MACF1: variants seen among roughly 807,000 people sequenced by gnomAD.
MACF1 encodes the protein microtubule-actin cross-linking factor 1.
A neutral mutation model predicts 854.8 loss-of-function variants in MACF1; 193 were observed. The ratio of observed to expected loss-of-function variants is 0.23; its 90% confidence interval spans 0.20 to 0.25. The LOEUF (loss-of-function observed/expected upper bound fraction) is 0.25, where lower values mean the gene tolerates loss of function less well. MACF1 is among the 10% of genes least tolerant of loss of function. The pLI, the probability that MACF1 is intolerant of heterozygous loss-of-function variation, is 1.00. For missense variants in MACF1, 7,722 were observed against 8,929.1 expected (o/e 0.86, Z 5.45); for synonymous variants, 3,185 against 3,226.7 (o/e 0.99, Z 0.44).
intron 15 of MACF1, among the ~76,000 whole-genome samples, chr1:39,289,282 G>C (rs1232823731): frequency 2.0e-5 from 3 of 152,140 alleles, no homozygotes; most frequent in African/African-American, 7.2e-5. Context: ...TCATACAGTA[G>C]CTCTATTGTT....
intron 58 of MACF1, 58 bp downstream of exon 58, chr1:39,388,716 G>C (rs1641893683): frequency 2.1e-6 from 3 of 1,459,856 alleles, no homozygotes; most frequent in African/African-American, 1.4e-5. Flanking sequence ...CTTGTAACTT[G>C]GAAACCAGTC....
rs554932575 is a variant in MACF1, at chr1:39,452,179, G to A, written c.20442G>A (p.Lys6814=). The change falls in exon 86 of 101, where the codon AAG becomes AAA. Residue 6814 remains lysine (K), a synonymous_variant. Transcript: ENST00000564288. The stretch of plus-strand genomic sequence containing the variant: ...AGGTTTTCCAGAAGGAACTGGGAAA[G>A]CGAACAGGAACCGTTCAGGTCCTGA... ...AHKVFQKELG[K]RTGTVQVLKR... is the part of the protein sequence containing the mutation. 1.9e-6 allele frequency: 3 copies of A among 1,601,958 alleles called. No homozygotes were observed. The highest frequency in any genetic ancestry group is 1.7e-5 in the Admixed American group (1 of 57,294).
intron 41 of MACF1, 138 bp downstream of exon 41, chr1:39,347,348 G>T (rs998441208): frequency 1.9e-5 from 13 of 695,396 alleles, no homozygotes; most frequent in Non-Finnish European, 3.3e-5. Context: ...ATGCAGGCCA[G>T]TATGGTTCTA....
At position 39,324,750 on chromosome 1, in the gene MACF1, G is replaced by C. The variant is rs1646576934; in HGVS notation, c.4478+16G>C. The C allele has an allele frequency of 6.3e-7, 1 of 1,584,226 alleles. No homozygotes were observed. The highest frequency in any genetic ancestry group is 8.7e-7 in the Non-Finnish European group (1 of 1,153,820). On this transcript the variant is annotated intron_variant, in intron 35 of 100. Transcript: ENST00000564288. ...ATGGTCATAAGTGAGTATTAAATGA[G>C]AGATTATGGCACATCTGGGGCACCT...
In MACF1 at chr1:39,432,532, T is replaced by C; in HGVS notation, c.17338-3T>C. 6.2e-7 allele frequency: 1 copy of C among 1,613,948 alleles called. No individual in the cohort carries two copies. The highest frequency in any genetic ancestry group is 8.5e-7 in the Non-Finnish European group (1 of 1,179,882). ...GTTTATTTTTCTTTAATACGTCTAT[T>C]AGTATGAGCAAGCTGCCGATGCAGA... On this transcript the variant is annotated splice_region_variant and splice_polypyrimidine_tract_variant and intron_variant, in intron 66 of 100. Transcript: ENST00000564288.
intron 1 of MACF1, among the ~76,000 whole-genome samples, chr1:39,230,645 G>A (rs918637092): frequency 1.3e-5 from 2 of 152,104 alleles, no homozygotes; most frequent in African/African-American, 4.8e-5. Context: ...AGGTAGAGAG[G>A]GAAGAGATGT....
chr1:39,355,098 G>A (rs1410672883), intron 44 of MACF1, among the ~76,000 whole-genome samples: 1 of 152,206 alleles, frequency 6.6e-6, no homozygotes, highest in Non-Finnish European at 1.5e-5. Flanking sequence ...TGGAATACTT[G>A]TGTTCAGTGG....
Position 39,479,894 on chromosome 1 carries a change from C to A in MACF1, c.22055C>A (p.Ser7352Tyr). 1 of 1,614,238 alleles carries A rather than the reference C, an allele frequency of 6.2e-7. No homozygotes were observed. The highest frequency in any genetic ancestry group is 8.5e-7 in the Non-Finnish European group (1 of 1,180,042). Reference protein sequence around the residue: ...MTPFRSRGRRSKPSSRAASPT... With the variant: ...MTPFRSRGRRYKPSSRAASPT... ...CCCTTCCGCTCACGGGGTCGAAGGT[C>A]CAAACCATCTTCCCGGGCAGCTTCC... is the stretch of plus-strand genomic sequence containing the variant. The change falls in exon 98 of 101, where the codon TCC becomes TAC. Residue 7352 changes from serine (S) to tyrosine (Y), a missense_variant. Ser to Tyr is a moderately radical substitution (Grantham distance 144, BLOSUM62 -2). Coordinates refer to ENST00000564288, the MANE Select transcript of MACF1 (RefSeq NM_001394062.1).
At chr1:39,200,289 G>C (rs530338167), upstream of MACF1, among the ~76,000 whole-genome samples, 1 of 152,202 alleles carries the variant, frequency 6.6e-6, no homozygotes, top group African/African-American at 2.4e-5. Context: ...AGCCCCTTTT[G>C]GTTGTTCTTG....
chr1:39,357,639 G>A lies in MACF1; in HGVS notation c.11689G>A (p.Glu3897Lys), dbSNP rs767984628. The A allele has an allele frequency of 5.2e-5, 84 of 1,614,164 alleles. 1 individual carries two copies. The South Asian group carries it at 7.2e-4, about 14-fold the overall frequency. Residue 3897 changes from glutamate to lysine, a missense_variant, in exon 45 of 101, where the codon GAG (glutamate) becomes AAG (lysine). Glu to Lys is a moderately conservative substitution (Grantham distance 56). This residue lies in a region of MACF1 where 2,807 missense variants were observed against 3,235.8 expected (regional missense o/e 0.87). Transcript: ENST00000564288. ...GTTTGAAAGCTGGTTGGAACGATCC[G>A]AGAAAGAGCTGGAGAACATGCATAA... ...KEFESWLERS[E>K]KELENMHKGG... is the part of the protein sequence containing the mutation.
At chr1:39,388,944 T>A (rs1641915509) in intron 58 of MACF1, among the ~76,000 whole-genome samples, 1 of 144,204 alleles carries the variant, frequency 6.9e-6, no homozygotes, top group African/African-American at 2.6e-5. Context: ...AGTGGTGCGA[T>A]CTCGGCTCAC....
At chr1:39,111,225 C>G (rs1435226621) in intron 2 of MACF1, among the ~76,000 whole-genome samples, 1 of 152,082 alleles carries the variant, frequency 6.6e-6, no homozygotes, top group Non-Finnish European at 1.5e-5. Context: ...TTTTTGGAGA[C>G]AGGGTCACCC....
chr1:39,318,323 C>T, intron 29 of MACF1, 130 bp from the exon 30 acceptor site: 1 of 766,514 alleles, frequency 1.3e-6, no homozygotes, highest in Non-Finnish European at 2.1e-6. Context: ...CATCGCTGTT[C>T]CCCGTAGATA....
chr1:39,168,756 T>C (rs1643907959), intron 2 of MACF1, among the ~76,000 whole-genome samples: 1 of 152,192 alleles, frequency 6.6e-6, no homozygotes, highest in South Asian at 2.1e-4. Context: ...ATTATGAGGA[T>C]TAAACAGAGT....
At chr1:39,189,691 T>TTTTTTTGAG (rs1335217235) in intron 2 of MACF1, among the ~76,000 whole-genome samples, 2 of 152,230 alleles carry the variant, frequency 1.3e-5, no homozygotes, top group East Asian at 3.9e-4. Context: ...ATGGAAGCCT[T>TTTTTTTGAG]TTTTTTGACT....
In MACF1 at chr1:39,333,510, C is replaced by T; in HGVS notation, c.6922C>T (p.Leu2308=). ...FHEQTGQKLL[L]NEAISRGIVP... ...TGAACAAACAGGTCAAAAGCTCTTA[C>T]TAAATGAAGCAATATCCCGAGGCAT... is the stretch of plus-strand genomic sequence containing the variant. The change falls in exon 37 of 101, where the codon CTA becomes TTA. Residue 2308 remains leucine (L), a synonymous_variant. Coordinates refer to ENST00000564288, the MANE Select transcript of MACF1 (RefSeq NM_001394062.1). The T allele has an allele frequency of 6.2e-7, 1 of 1,614,158 alleles. No homozygotes were observed. The highest frequency in any genetic ancestry group is 1.1e-5 in the South Asian group (1 of 91,080).
rs117657714 is a variant in MACF1, at chr1:39,330,667, A to G, written c.4615-536A>G. On this transcript the variant is annotated intron_variant, in intron 36 of 100. Transcript: ENST00000564288. The stretch of plus-strand genomic sequence containing the variant: ...CAAGTAATCTAGGAACTTCTGACCT[A>G]TTAAACATTCTGCAGTTTAGAAAAA... Among the ~76,000 whole-genome samples, 849 of 152,342 alleles carry G rather than the reference A, an allele frequency of 5.6e-3. 17 individuals are homozygous for G. In the East Asian group the frequency reaches 0.057, roughly 10 times the overall value.
chr1:39,435,606 C>T lies in MACF1; in HGVS notation c.17833C>T (p.Leu5945=), dbSNP rs759637730. ...AEHKPHIDKL[L]KIGPQLKELN... Reference sequence around the variant, plus strand: ...ACACAAACCTCATATTGACAAACTACTAAAGATAGGCCCACAACTAAAGGA... The same window carrying T: ...ACACAAACCTCATATTGACAAACTATTAAAGATAGGCCCACAACTAAAGGA... Residue 5945 remains leucine (L), a synonymous_variant, in exon 70 of 101, where the codon CTA becomes TTA. Coordinates refer to ENST00000564288, the MANE Select transcript of MACF1 (RefSeq NM_001394062.1). 1 of 1,614,138 alleles carries T rather than the reference C, an allele frequency of 6.2e-7. No homozygotes were observed. Among genetic ancestry groups the T allele is most frequent in the South Asian group, 1.1e-5 (1 of 91,074 alleles).
At chr1:39,124,868 A>G (rs1381356886) in intron 2 of MACF1, among the ~76,000 whole-genome samples, 1 of 152,256 alleles carries the variant, frequency 6.6e-6, no homozygotes, top group Non-Finnish European at 1.5e-5. Context: ...CTGAGATCAC[A>G]TAGCCAGTCA....
Sources: gnomAD v4.1 joint callset for allele counts (sites outside exome capture counted in the v4.1 genomes callset) on GRCh38, gnomAD v4.1.1 for gene constraint, gnomAD v4.1.1 regional missense constraint, MANE v1.5 for transcripts, NCBI Gene and HGNC (gene_info 2026-07-23, HGNC 2026-07-21) for gene names.